The following NRXN2 variants were observed in gnomAD, a reference collection of about 807,000 sequenced individuals.
NRXN2 encodes neurexin-2-beta.
In NRXN2, 29 loss-of-function variants were observed where a neutral mutation model predicts 128.8. The ratio of observed to expected loss-of-function variants is 0.23; its 90% CI spans 0.17 to 0.31. The LOEUF (loss-of-function observed/expected upper bound fraction) is 0.31, where lower values mean the gene tolerates loss of function less well. NRXN2 is among the 10% of genes least tolerant of loss of function. The probability of loss-of-function intolerance (pLI) is 1.00; values close to 1 mark genes in which losing one functional copy is unlikely to be tolerated. For synonymous variants in NRXN2, 1,098 were observed against 1,075.2 expected (o/e 1.02, Z -0.41); for missense variants, 1,881 against 2,452.6 (o/e 0.77, Z 4.92).
chr11:64,650,379 G>A, intron 15 of NRXN2, 69 bp downstream of exon 15: 1 of 1,516,526 alleles, frequency 6.6e-7, no homozygotes, highest in Non-Finnish European at 9.2e-7. Context: ...TCGCAGGAAT[G>A]GGGTGATCTC....
chr11:64,627,386 A>G (rs1383926439), intron 19 of NRXN2, among the ~76,000 whole-genome samples: 4 of 146,662 alleles, frequency 2.7e-5, no homozygotes, highest in Non-Finnish European at 6.0e-5. Flanking sequence ...TCCCCTGCAG[A>G]CACCCCCCGC....
chr11:64,608,889 G>C (rs1329323286), intron 22 of NRXN2, among the ~76,000 whole-genome samples: 1 of 152,142 alleles, frequency 6.6e-6, no homozygotes, highest in Non-Finnish European at 1.5e-5. Flanking sequence ...GGAGGGCTTA[G>C]AGAGTAGGGA....
At position 64,622,899 on chromosome 11, in the gene NRXN2, C is replaced by T. The variant is rs374711166; in HGVS notation, c.4027G>A (p.Gly1343Arg). ...TEGHLRLVGE[G>R]PSVLLSAETT... Reference sequence around the variant, plus strand: ...TCCGCACTGAGCAGCACGGACGGCCCCTCCCCCACCAGGCGCAGGTGACCC... The same window carrying T: ...TCCGCACTGAGCAGCACGGACGGCCTCTCCCCCACCAGGCGCAGGTGACCC... The change falls in exon 21 of 23, where the codon GGG becomes AGG. Residue 1343 changes from glycine to arginine, a missense_variant. Physicochemically the swap from Gly to Arg is moderately radical, Grantham distance 125. Around this residue, in one of 7 missense-constraint regions of NRXN2, gnomAD observed 108 missense variants for 165.2 expected, o/e 0.65. Coordinates refer to ENST00000265459, the MANE Select transcript of NRXN2 (RefSeq NM_015080.4). This position sits in a 1 kb window ranked among gnomAD's most constrained non-coding sequence, Gnocchi z 4.3. 5 of 1,612,982 alleles carry T rather than the reference C, an allele frequency of 3.1e-6. No individual in the cohort carries two copies. In the African/African-American group the frequency reaches 5.3e-5, roughly 17 times the overall value.
In NRXN2 at chr11:64,661,014, G is replaced by T. The variant is rs1301901528; in HGVS notation, c.1924C>A (p.Pro642Thr). The change falls in exon 10 of 23, where the codon CCC becomes ACC. Residue 642 changes from proline (P) to threonine (T), a missense_variant. By Grantham distance (38) the Pro-to-Thr change is conservative (BLOSUM62 -1). This residue lies in a region of NRXN2 where 997 missense variants were observed against 1,240.8 expected (regional missense o/e 0.80). Coordinates refer to ENST00000265459, the MANE Select transcript of NRXN2 (RefSeq NM_015080.4). ...AGTGCTGCTGTCCACACCTCTGGGGGCAGGGGCAGGTCCACCCGGCCCCCC... is the reference window on the plus strand; with the variant it reads ...AGTGCTGCTGTCCACACCTCTGGGGTCAGGGGCAGGTCCACCCGGCCCCCC... The part of the protein sequence containing the change: ...PEGGRVDLPL[P>T]PEVWTAALRA... 1 of 1,613,614 alleles carries T rather than the reference G, an allele frequency of 6.2e-7. No individual in the cohort carries two copies. The highest frequency in any genetic ancestry group is 2.2e-5 in the East Asian group (1 of 44,872).
At chr11:64,656,196 T>C (rs1051196530) in intron 11 of NRXN2, 20 of 152,224 alleles carry the variant, frequency 1.3e-4, no homozygotes, top group African/African-American at 4.6e-4. Flanking sequence ...CACTCTGTCA[T>C]AGCCCTCCTT....
At position 64,651,771 on chromosome 11, in the gene NRXN2, G is replaced by T; in HGVS notation, c.2537-135C>A. ...TAGAGATGTCCTCGGCTAGGCACTA[G>T]CAGCCAGCACAGCTCCAAGAGGAGT... On this transcript the variant is annotated intron_variant, in intron 13 of 22. Coordinates refer to ENST00000265459, the MANE Select transcript of NRXN2 (RefSeq NM_015080.4). This position sits in a 1 kb window ranked among gnomAD's most constrained non-coding sequence, Gnocchi z 5.9. The T allele has an allele frequency of 1.9e-6, 2 of 1,072,690 alleles. No homozygotes were observed. The highest frequency in any genetic ancestry group is 2.7e-6 in the Non-Finnish European group (2 of 734,016). The allele number at this position is 1,072,690 out of a possible 1,614,324, so 66.4% of individuals were successfully genotyped here.
intron 21 of NRXN2, among the ~76,000 whole-genome samples, chr11:64,621,234 T>G (rs1040615770): frequency 1.3e-5 from 2 of 152,092 alleles, no homozygotes; most frequent in Non-Finnish European, 2.9e-5. Flanking sequence ...TCTTGCCCCC[T>G]CGGCACCAGC....
intron 22 of NRXN2, among the ~76,000 whole-genome samples, chr11:64,609,900 C>A (rs1382873796): frequency 6.6e-6 from 1 of 152,128 alleles, no homozygotes; most frequent in Non-Finnish European, 1.5e-5. Flanking sequence ...TGGTAAAGCA[C>A]CCCAGGGCCT....
intron 9 of NRXN2, among the ~76,000 whole-genome samples, chr11:64,665,054 G>A (rs537971700): frequency 2.0e-5 from 3 of 151,720 alleles, no homozygotes; most frequent in East Asian, 1.9e-4. Flanking sequence ...AGGCCAAGGC[G>A]GGCGGATCAT....
intron 4 of NRXN2, among the ~76,000 whole-genome samples, chr11:64,691,192 G>A (rs912563358): frequency 3.3e-5 from 5 of 152,148 alleles, no homozygotes; most frequent in Non-Finnish European, 5.9e-5. Flanking sequence ...TCCCACCATT[G>A]TGCCTACAAA....
chr11:64,716,691 C>A (rs1420653116), intron 1 of NRXN2, among the ~76,000 whole-genome samples: 1 of 152,176 alleles, frequency 6.6e-6, no homozygotes, highest in African/African-American at 2.4e-5. Flanking sequence ...ATTCTTCCCG[C>A]AGCCCACAGC....
chr11:64,681,149 G>A (rs1237914067), intron 6 of NRXN2, among the ~76,000 whole-genome samples: 2 of 150,974 alleles, frequency 1.3e-5, no homozygotes, highest in Admixed American at 6.6e-5. Context: ...GAATTGGAGG[G>A]TTTTTTTTCC....
chr11:64,626,670 G>C (rs1375259279), intron 19 of NRXN2, 118 bp from the exon 20 acceptor site: 4 of 804,566 alleles, frequency 5.0e-6, no homozygotes, highest in East Asian at 2.5e-5. Flanking sequence ...ACGGAAAGAG[G>C]GGAAGGGAGG....
chr11:64,701,788 CCCCCGTCCGGCCAGCCG>C (rs1447122000), intron 2 of NRXN2, among the ~76,000 whole-genome samples: 1 of 152,134 alleles, frequency 6.6e-6, no homozygotes, highest in Non-Finnish European at 1.5e-5. Context: ...GGGGATCAGC[CCCCCGTCCGGCCAGCCG>C]CCCCGTCCGG....
intron 6 of NRXN2, 102 bp from the exon 7 acceptor site, chr11:64,677,139 G>A (rs2051447552): frequency 1.3e-6 from 1 of 792,278 alleles, no homozygotes; most frequent in African/African-American, 1.7e-5. Flanking sequence ...AAAATAAAAT[G>A]ACCAACTGTG....
At position 64,620,387 on chromosome 11, in the gene NRXN2, A is replaced by C. The variant is rs1407421906; in HGVS notation, c.4174-15T>G. The stretch of plus-strand genomic sequence containing the variant: ...TCATCTGTGTTCTGAGGGGCGAGAG[A>C]AGGGGTGGGGAAAGAGAGGTTCCAG... On this transcript the variant is annotated splice_polypyrimidine_tract_variant and intron_variant, in intron 21 of 22. Transcript: ENST00000265459. The C allele has an allele frequency of 1.3e-6, 2 of 1,549,482 alleles. No homozygotes were observed. Among genetic ancestry groups the C allele is most frequent in the East Asian group, 4.9e-5 (2 of 40,934 alleles).
intron 17 of NRXN2, among the ~76,000 whole-genome samples, chr11:64,644,442 C>A (rs2046331978): frequency 6.6e-6 from 1 of 152,160 alleles, no homozygotes. Flanking sequence ...CACCTGCCCA[C>A]TGAGTGTCCC....
At position 64,630,417 on chromosome 11, in the gene NRXN2, C is replaced by G. The variant is rs1433657340; in HGVS notation, c.3742G>C (p.Glu1248Gln). 2.6e-5 allele frequency: 42 copies of G among 1,612,216 alleles called. No homozygotes were observed. Among genetic ancestry groups the G allele is most frequent in the Non-Finnish European group, 3.3e-5 (39 of 1,179,602 alleles). The change falls in exon 19 of 23, where the codon GAG becomes CAG. Residue 1248 changes from glutamate (E) to glutamine (Q), a missense_variant. Physicochemically the swap from Glu to Gln is conservative, Grantham distance 29. Coordinates refer to ENST00000265459, the MANE Select transcript of NRXN2 (RefSeq NM_015080.4). The surrounding 1 kb of genome is among the most constrained non-coding windows in gnomAD (Gnocchi z 4.6). ...TLQVDSWPVN[E>Q]RYPAGNFDNE... is the part of the protein sequence containing the mutation. ...CGCCGCCTACCTGCCGGGTACCGCT[C>G]GTTGACCGGCCAGCTGTCCACCTGC... is the stretch of plus-strand genomic sequence containing the variant.
At chr11:64,716,007 T>C (rs1249827337) in intron 1 of NRXN2, among the ~76,000 whole-genome samples, 1 of 152,046 alleles carries the variant, frequency 6.6e-6, no homozygotes, top group Non-Finnish European at 1.5e-5. Context: ...GGTCTAAGCT[T>C]TCCCTCTTTT....
Sources: allele counts gnomAD v4.1 joint callset (sites outside exome capture counted in the v4.1 genomes callset), GRCh38; gene constraint gnomAD v4.1.1; regional missense constraint gnomAD v4.1.1; non-coding constraint Gnocchi (gnomAD v3.1); transcripts MANE v1.5; gene names NCBI Gene and HGNC (gene_info 2026-07-23, HGNC 2026-07-21).